The following GPHN variants were observed in gnomAD, a reference collection of about 807,000 sequenced individuals.
The protein encoded by GPHN is gephyrin.
A neutral mutation model predicts 95.5 loss-of-function variants in GPHN; 17 were observed. The ratio of observed to expected loss-of-function variants is 0.18; its 90% CI spans 0.12 to 0.27. The LOEUF (loss-of-function observed/expected upper bound fraction) is 0.27. Ranked by LOEUF, GPHN falls within the 10% of genes least tolerant of loss-of-function variation. The pLI is 1.00. For missense variants in GPHN, 660 were observed against 978.1 expected, an observed-to-expected ratio of 0.67 and a Z score of 4.34; for synonymous variants, 320 against 322.5, an observed-to-expected ratio of 0.99 and a Z score of 0.08.
At chr14:66,937,565 A>C (rs1360574209) in intron 8 of GPHN, among the ~76,000 whole-genome samples, 2 of 152,126 alleles carry the variant, frequency 1.3e-5, no homozygotes, top group South Asian at 4.1e-4. Context: ...TTTTTAGTAC[A>C]GACAGGGTTT....
At chr14:67,195,713 T>TTGTG in the GPHN span, among the ~76,000 whole-genome samples, 4,527 of 143,194 alleles carry the variant, frequency 0.032, 122 homozygotes, top group African/African-American at 0.075. Flanking sequence ...TTCTTTTTGG[T>TTGTG]TGTGTGTGTG....
intron 1 of GPHN, among the ~76,000 whole-genome samples, chr14:66,671,788 T>C (rs930262559): frequency 1.3e-5 from 2 of 152,190 alleles, no homozygotes; most frequent in Non-Finnish European, 2.9e-5. Context: ...ATCCCTTTAA[T>C]GTCTATGACA....
At position 66,510,700 on chromosome 14, in the gene GPHN, A is replaced by G. The variant is rs17780334; in HGVS notation, c.64+2109A>G. 9.2e-3 allele frequency among the ~76,000 whole-genome samples: 1,405 copies of G among 152,320 alleles called. 9 individuals are homozygous for G. Among genetic ancestry groups the G allele is most frequent in the Non-Finnish European group, 0.014 (933 of 68,014 alleles). On this transcript the variant is annotated intron_variant, in intron 1 of 22. Coordinates refer to ENST00000478722, the MANE Select transcript of GPHN (RefSeq NM_020806.5). ...AGGTCAAGAAGAAACTGTCAATTTT[A>G]AGGGGAGTTGAAAGTCAGCAGCCAC...
At chr14:67,481,813 C>T in the GPHN span, among the ~76,000 whole-genome samples, 1 of 152,168 alleles carries the variant, frequency 6.6e-6, no homozygotes, top group African/African-American at 2.4e-5. Context: ...GGATCAGAGC[C>T]CTGGGAAAGC....
At chr14:67,704,248 AAGG>A in the GPHN span, among the ~76,000 whole-genome samples, 2 of 152,178 alleles carry the variant, frequency 1.3e-5, no homozygotes, top group Non-Finnish European at 2.9e-5. Context: ...ACGGGGGTAG[AAGG>A]AGGAGGAGCA....
the GPHN span, among the ~76,000 whole-genome samples, chr14:67,502,636 G>C: frequency 6.6e-6 from 1 of 151,776 alleles, no homozygotes; most frequent in Non-Finnish European, 1.5e-5. Flanking sequence ...ACTTTTAGTA[G>C]AGACGGCATT....
chr14:66,760,802 A>G (rs2058728172), intron 2 of GPHN: 1 of 513,086 alleles, frequency 1.9e-6, no homozygotes, highest in Non-Finnish European at 3.8e-6. Flanking sequence ...AAAAGTATTG[A>G]TGCAATGAAG....
intron 1 of GPHN, among the ~76,000 whole-genome samples, chr14:66,596,233 G>T (rs1325374009): frequency 6.6e-6 from 1 of 152,000 alleles, no homozygotes; most frequent in African/African-American, 2.4e-5. Context: ...CATGCTGATT[G>T]GTCCATGGAA....
At chr14:67,094,641 T>A (rs1595105778) in intron 12 of GPHN, among the ~76,000 whole-genome samples, 2 of 152,148 alleles carry the variant, frequency 1.3e-5, no homozygotes, top group African/African-American at 2.4e-5. Flanking sequence ...GAATTCATCT[T>A]GAAAAACTGC....
chr14:67,446,058 G>T, the GPHN span: 1 of 518,450 alleles, frequency 1.9e-6, no homozygotes, highest in South Asian at 1.4e-5. Flanking sequence ...CCCAGATAGA[G>T]GGTCTGGAAT....
the GPHN span, chr14:67,580,997 T>C: frequency 6.2e-7 from 1 of 1,613,478 alleles, no homozygotes; most frequent in Non-Finnish European, 8.5e-7. Flanking sequence ...CCGGAAAGTC[T>C]GAGGGTGGGA....
chr14:66,567,069 C>G (rs2060490495), intron 1 of GPHN, among the ~76,000 whole-genome samples: 1 of 152,176 alleles, frequency 6.6e-6, no homozygotes, highest in African/African-American at 2.4e-5. Context: ...GAAGGAATTA[C>G]CATCTTGCAG....
chr14:67,475,768 C>A, the GPHN span, among the ~76,000 whole-genome samples: 1 of 152,176 alleles, frequency 6.6e-6, no homozygotes, highest in Admixed American at 6.5e-5. Context: ...TCTTCAACGC[C>A]CGGCTCCCAT....
intron 4 of GPHN, among the ~76,000 whole-genome samples, chr14:66,863,485 A>C (rs964186937): frequency 3.9e-5 from 6 of 152,174 alleles, no homozygotes; most frequent in African/African-American, 1.4e-4. Flanking sequence ...ATTTATCAGG[A>C]ACCGCAAAAG....
At chr14:67,350,826 CAG>C in the GPHN span, 1 of 761,548 alleles carries the variant, frequency 1.3e-6, no homozygotes, top group Non-Finnish European at 2.0e-6. Context: ...TAACGACAAA[CAG>C]AAATTTCCAA....
chr14:66,915,665 A>G (rs2065862872), intron 5 of GPHN, among the ~76,000 whole-genome samples: 1 of 152,302 alleles, frequency 6.6e-6, no homozygotes, highest in Non-Finnish European at 1.5e-5. Context: ...GGCATTTTTA[A>G]TGCACTATCT....
chr14:67,484,802 C>T, the GPHN span, among the ~76,000 whole-genome samples: 1 of 152,144 alleles, frequency 6.6e-6, no homozygotes, highest in African/African-American at 2.4e-5. Flanking sequence ...TCTGAACTAA[C>T]AGCGATTACC....
chr14:66,873,120 A>G (rs1378317909), intron 4 of GPHN, among the ~76,000 whole-genome samples: 1 of 152,158 alleles, frequency 6.6e-6, no homozygotes, highest in African/African-American at 2.4e-5. Flanking sequence ...GGTGCAGCCC[A>G]TGGAGGGTGA....
chr14:67,101,207 T>C (rs1033995152), intron 13 of GPHN, among the ~76,000 whole-genome samples: 2 of 152,152 alleles, frequency 1.3e-5, no homozygotes, highest in Non-Finnish European at 2.9e-5. Context: ...AAAAATGTTC[T>C]GAATAGAACA....
Sources: allele counts gnomAD v4.1 joint callset (sites outside exome capture counted in the v4.1 genomes callset), GRCh38; gene constraint gnomAD v4.1.1; transcripts MANE v1.5; gene names NCBI Gene and HGNC (gene_info 2026-07-23, HGNC 2026-07-21).